The following DYNLT2 variants were observed in gnomAD, a reference collection of about 807,000 sequenced individuals.
DYNLT2 encodes the protein dynein light chain Tctex-type protein 2.
In DYNLT2, 24 loss-of-function variants were observed where a neutral mutation model predicts 24.3. That is an observed-to-expected ratio of 0.99 (90% confidence interval 0.71 to 1.39). DYNLT2 has a LOEUF of 1.39. Among genes scored for constraint, DYNLT2 ranks in the 40% most tolerant of loss-of-function variants. The probability of loss-of-function intolerance (pLI) is 0.00; values close to 1 mark genes in which losing one functional copy is unlikely to be tolerated. For synonymous variants in DYNLT2, 85 were observed against 85.4 expected (o/e 1.00, Z 0.03); for missense variants, 246 against 234.5 (o/e 1.05, Z -0.32).
chr6:169,725,660 A>C, the DYNLT2 span: 19 of 206,574 alleles, frequency 9.2e-5, no homozygotes, highest in Non-Finnish European at 1.5e-4. Flanking sequence ...AAAAACAAAA[A>C]CAAAAAAAAA....
At chr6:169,750,359 T>C (rs1585324002) in intron 1 of DYNLT2, 1 of 152,246 alleles carries the variant, frequency 6.6e-6, no homozygotes, top group Admixed American at 6.5e-5. Context: ...TGCTCTGCTC[T>C]TTTTCTTAGC....
chr6:169,739,361 T>G (rs2128335014), downstream of DYNLT2, among the ~76,000 whole-genome samples: 4 of 152,156 alleles, frequency 2.6e-5, 1 homozygote, highest in South Asian at 8.3e-4. Flanking sequence ...GCCACACTTT[T>G]CACATGATCT....
rs1790076113 is a variant in DYNLT2, at chr6:169,751,537, G to A, written c.-79C>T. 1.4e-5 allele frequency: 22 copies of A among 1,610,426 alleles called. 1 individual carries two copies. The highest frequency in any genetic ancestry group is 3.3e-4 in the Middle Eastern group (2 of 6,048). ...ACGCCCTAGCCAGTCCCGCGAGGGC[G>A]GAAGTCTCCCACCTGCGCCTCGTAC... On this transcript the variant is annotated 5_prime_UTR_variant, in exon 1 of 4. Transcript: ENST00000366774.
rs1790067998 is a variant in DYNLT2, at chr6:169,751,489, T to A, written c.-31A>T. On this transcript the variant is annotated 5_prime_UTR_variant, in exon 1 of 4. Transcript: ENST00000366774. Reference sequence around the variant, plus strand: ...TCTGTTCTCCAAGACGCCCACCGCCTCCCCTTCACCGCCGGCGGTCAAACG... The same window carrying A: ...TCTGTTCTCCAAGACGCCCACCGCCACCCCTTCACCGCCGGCGGTCAAACG... The A allele has an allele frequency of 6.2e-7, 1 of 1,611,388 alleles. No individual in the cohort carries two copies. Among genetic ancestry groups the A allele is most frequent in the Non-Finnish European group, 8.5e-7 (1 of 1,178,756 alleles).
At chr6:169,726,027 T>C in the DYNLT2 span, among the ~76,000 whole-genome samples, 1 of 152,274 alleles carries the variant, frequency 6.6e-6, no homozygotes, top group Non-Finnish European at 1.5e-5. Context: ...AATACACCTA[T>C]AGTTTACTAT....
chr6:169,732,576 C>T, the DYNLT2 span, among the ~76,000 whole-genome samples: 2 of 152,190 alleles, frequency 1.3e-5, no homozygotes, highest in African/African-American at 4.8e-5. Context: ...AGGATGATAG[C>T]TTCCAGCTTC....
chr6:169,738,865 T>C (rs2128334927), downstream of DYNLT2: 1 of 152,348 alleles, frequency 6.6e-6, no homozygotes, highest in Middle Eastern at 3.4e-3. Flanking sequence ...AGAATAATTC[T>C]GGCCAAACTT....
chr6:169,743,169 T>G lies in DYNLT2; in HGVS notation c.397A>C (p.Ile133Leu), dbSNP rs1789718131. Residue 133 changes from isoleucine to leucine, a missense_variant, in exon 3 of 4, where the codon ATA becomes CTA. Coordinates refer to ENST00000366774, the MANE Select transcript of DYNLT2 (RefSeq NM_174910.3). The stretch of plus-strand genomic sequence containing the variant: ...CCAAATTCTTTGACTGCTAACAGTA[T>G]GCGGTCTGCCAATTCAAGTGACAAG... The part of the protein sequence containing the change: ...SHLSLELADR[I>L]LLAVKEFGYH... 6.3e-7 allele frequency: 1 copy of G among 1,576,036 alleles called. No individual in the cohort carries two copies. Among genetic ancestry groups the G allele is most frequent in the Non-Finnish European group, 8.7e-7 (1 of 1,154,962 alleles).
chr6:169,735,632 A>G (rs7759404), downstream of DYNLT2, among the ~76,000 whole-genome samples: 26,729 of 152,108 alleles, frequency 0.18, 2,870 homozygotes, highest in East Asian at 0.29. Flanking sequence ...ATTTGATTGC[A>G]CTGTCGTCTG....
chr6:169,747,860 CCTT>C (rs1210147424), intron 1 of DYNLT2, among the ~76,000 whole-genome samples: 2 of 152,116 alleles, frequency 1.3e-5, no homozygotes, highest in Non-Finnish European at 2.9e-5. Context: ...GTGAATTTTA[CCTT>C]CTTATAGGCT....
the DYNLT2 span, among the ~76,000 whole-genome samples, chr6:169,734,921 G>A: frequency 6.6e-6 from 1 of 152,010 alleles, no homozygotes; most frequent in African/African-American, 2.4e-5. Flanking sequence ...CTTGCCCTGG[G>A]CTTTTTTTGG....
At position 169,751,337 on chromosome 6, in the gene DYNLT2, A is replaced by T; in HGVS notation, c.120+2T>A. On this transcript the variant is annotated splice_donor_variant, in intron 1 of 3. Coordinates refer to ENST00000366774, the MANE Select transcript of DYNLT2 (RefSeq NM_174910.3). LOFTEE classifies it high-confidence loss of function. ...CGGGCCCCTAGCAGTCTCCGCACTC[A>T]CTGCCTCCTTCTCGAACATGCTAGG... The T allele has an allele frequency of 6.2e-7, 1 of 1,613,656 alleles. No homozygotes were observed.
At chr6:169,744,309 C>G in intron 1 of DYNLT2, 35 bp from the exon 2 acceptor site, 1 of 1,565,166 alleles carries the variant, frequency 6.4e-7, no homozygotes, top group South Asian at 1.1e-5. Flanking sequence ...GAGAGAAAGG[C>G]AGAAAGATTA....
At chr6:169,731,557 A>G in the DYNLT2 span, among the ~76,000 whole-genome samples, 26,794 of 152,110 alleles carry the variant, frequency 0.18, 2,889 homozygotes, top group East Asian at 0.3. Flanking sequence ...AGTTCAGTGA[A>G]GTCAGGGGAC....
Position 169,743,115 on chromosome 6 carries a change from CT to C in DYNLT2, c.450del (p.Val151TyrfsTer11). ...TGGCCAGTCTTTTGAATAAATAATA[CT>C]TTTATAATGAACTTATAACGGTGGT... ...FGYHRYKFII[K>X]VLFIQKTGQA... On this transcript the variant is annotated frameshift_variant, in exon 3 of 4. Coordinates refer to ENST00000366774, the MANE Select transcript of DYNLT2 (RefSeq NM_174910.3). LOFTEE classifies it high-confidence loss of function. 1 of 1,576,268 alleles carries C rather than the reference CT, an allele frequency of 6.3e-7. No homozygotes were observed. Among genetic ancestry groups the C allele is most frequent in the Non-Finnish European group, 8.7e-7 (1 of 1,156,010 alleles).
chr6:169,736,204 T>C (rs1789559747), downstream of DYNLT2, among the ~76,000 whole-genome samples: 1 of 151,850 alleles, frequency 6.6e-6, no homozygotes, highest in Non-Finnish European at 1.5e-5. Context: ...TTTGAGCCTG[T>C]GTGTCTTTGC....
At position 169,743,039 on chromosome 6, in the gene DYNLT2, A is replaced by G. The variant is rs770203730; in HGVS notation, c.486+41T>C. 2.1e-5 allele frequency: 30 copies of G among 1,419,792 alleles called. No individual in the cohort carries two copies. In the South Asian group the frequency reaches 3.6e-4, roughly 17 times the overall value. The allele number at this position is 1,419,792 out of a possible 1,614,324, so 87.9% of individuals were successfully genotyped here. A position where few individuals can be genotyped will look rare whatever the true frequency, so the allele number is the denominator to read the frequency against. The stretch of plus-strand genomic sequence containing the variant: ...CAAATCACTAGGGAGGAGATGCCTT[A>G]TAGTTCTAATTGCTAGATCCTGTAT... On this transcript the variant is annotated intron_variant, in intron 3 of 3. Coordinates refer to ENST00000366774, the MANE Select transcript of DYNLT2 (RefSeq NM_174910.3).
intron 1 of DYNLT2, among the ~76,000 whole-genome samples, chr6:169,747,498 A>T (rs9396999): frequency 0.082 from 12,411 of 152,054 alleles, 1,584 homozygotes; most frequent in East Asian, 0.56. Context: ...TTTTTTCAGC[A>T]TCCCCCCCAA....
chr6:169,730,557 G>A, the DYNLT2 span, among the ~76,000 whole-genome samples: 3 of 152,204 alleles, frequency 2.0e-5, no homozygotes, highest in African/African-American at 2.4e-5. Context: ...CAAAATGCAT[G>A]TGGAAGAGAG....
Sources: gnomAD v4.1 joint callset for allele counts (sites outside exome capture counted in the v4.1 genomes callset) on GRCh38, gnomAD v4.1.1 for gene constraint, MANE v1.5 for transcripts, NCBI Gene and HGNC (gene_info 2026-07-23, HGNC 2026-07-21) for gene names.